The following TOP6BL variants were observed in gnomAD, a reference collection of about 807,000 sequenced individuals.
TOP6BL encodes type 2 DNA topoisomerase 6 subunit B-like.
chr11:66,764,291 G>A, the TOP6BL span, among the ~76,000 whole-genome samples: 2 of 152,016 alleles, frequency 1.3e-5, no homozygotes, highest in East Asian at 1.9e-4. Context: ...TCTTTGGGTT[G>A]ATGCAGAGAA....
chr11:66,838,977 T>C, the TOP6BL span, among the ~76,000 whole-genome samples: 1 of 152,212 alleles, frequency 6.6e-6, no homozygotes, highest in Admixed American at 6.5e-5. Flanking sequence ...GTGATCCGCC[T>C]GCCTTGGCCT....
the TOP6BL span, among the ~76,000 whole-genome samples, chr11:66,787,272 T>C: frequency 6.6e-6 from 1 of 152,088 alleles, no homozygotes; most frequent in East Asian, 1.9e-4. Context: ...GCACACTTTT[T>C]TGAGGTGGTT....
the TOP6BL span, among the ~76,000 whole-genome samples, chr11:66,779,001 C>T: frequency 1.3e-5 from 2 of 152,144 alleles, no homozygotes; most frequent in African/African-American, 2.4e-5. Context: ...ACACCTTATA[C>T]AAAAATTAAT....
At chr11:66,756,991 G>A in the TOP6BL span, among the ~76,000 whole-genome samples, 3 of 149,308 alleles carry the variant, frequency 2.0e-5, no homozygotes, top group African/African-American at 7.4e-5. Context: ...GATTACAGGT[G>A]TGAACCACCA....
the TOP6BL span, chr11:66,815,947 C>T: frequency 2.6e-6 from 3 of 1,141,072 alleles, no homozygotes; most frequent in African/African-American, 3.1e-5. Flanking sequence ...AGATTTAGAT[C>T]TCCTATTCTC....
the TOP6BL span, among the ~76,000 whole-genome samples, chr11:66,787,435 G>A: frequency 6.6e-6 from 1 of 151,562 alleles, no homozygotes; most frequent in African/African-American, 2.4e-5. Flanking sequence ...GCCAGGCGCG[G>A]TGGCTCATGT....
the TOP6BL span, among the ~76,000 whole-genome samples, chr11:66,751,123 C>A: frequency 4.6e-5 from 7 of 151,986 alleles, no homozygotes; most frequent in African/African-American, 1.7e-4. Context: ...TCAGGTGATC[C>A]TCCCACCTCA....
the TOP6BL span, chr11:66,822,671 T>A: frequency 2.9e-5 from 45 of 1,538,990 alleles, no homozygotes; most frequent in African/African-American, 5.8e-4. Context: ...TCCAGACCCT[T>A]CAAGTTAGTA....
the TOP6BL span, among the ~76,000 whole-genome samples, chr11:66,780,153 T>TA: frequency 5.0e-4 from 74 of 146,950 alleles, no homozygotes; most frequent in Middle Eastern, 3.5e-3. Context: ...AAAACTTTCA[T>TA]AAAAAAAAAA....
At chr11:66,754,768 C>T in the TOP6BL span, among the ~76,000 whole-genome samples, 2 of 152,162 alleles carry the variant, frequency 1.3e-5, no homozygotes, top group Admixed American at 1.3e-4. Flanking sequence ...TGTTCACTAA[C>T]TCCACTTGTT....
chr11:66,750,118 A>G, the TOP6BL span, among the ~76,000 whole-genome samples: 1 of 152,146 alleles, frequency 6.6e-6, no homozygotes, highest in East Asian at 1.9e-4. Context: ...TTAGAACTAG[A>G]ACTATACTAT....
chr11:66,777,936 T>C, the TOP6BL span, among the ~76,000 whole-genome samples: 2 of 152,194 alleles, frequency 1.3e-5, no homozygotes, highest in East Asian at 3.8e-4. Context: ...CACCGTACTT[T>C]GCCAGCATTG....
At chr11:66,843,509 G>C in the TOP6BL span, 1 of 1,494,078 alleles carries the variant, frequency 6.7e-7, no homozygotes, top group Non-Finnish European at 8.8e-7. Flanking sequence ...CGCGGCCGGA[G>C]CGGCCGCCCG....
At chr11:66,768,779 G>A in the TOP6BL span, among the ~76,000 whole-genome samples, 1 of 152,012 alleles carries the variant, frequency 6.6e-6, no homozygotes, top group African/African-American at 2.4e-5. Context: ...GACAGAAGGG[G>A]ATGGAAAGGA....
At chr11:66,842,774 A>G in the TOP6BL span, 1 of 1,401,028 alleles carries the variant, frequency 7.1e-7, no homozygotes, top group East Asian at 2.6e-5. Flanking sequence ...CCGTTCTCCC[A>G]GGCTTCCCCT....
the TOP6BL span, chr11:66,758,207 G>A: frequency 1.2e-6 from 1 of 847,378 alleles, no homozygotes; most frequent in Non-Finnish European, 1.4e-6. Flanking sequence ...CTTATTCACT[G>A]TCTACCCTGA....
the TOP6BL span, among the ~76,000 whole-genome samples, chr11:66,810,510 T>A: frequency 1.3e-5 from 2 of 152,210 alleles, no homozygotes; most frequent in African/African-American, 4.8e-5. Context: ...AAGATGGTTT[T>A]GAGGTCTTCA....
the TOP6BL span, among the ~76,000 whole-genome samples, chr11:66,819,943 G>A: frequency 1.3e-5 from 2 of 151,228 alleles, no homozygotes; most frequent in South Asian, 2.1e-4. Context: ...AGGCATGGTG[G>A]TGGTGTACAC....
the TOP6BL span, among the ~76,000 whole-genome samples, chr11:66,816,532 G>C: frequency 6.6e-6 from 1 of 152,140 alleles, no homozygotes; most frequent in Non-Finnish European, 1.5e-5. Context: ...CTGATTTCCA[G>C]ATGGACTGAG....
Sources: allele counts gnomAD v4.1 joint callset (sites outside exome capture counted in the v4.1 genomes callset), GRCh38; gene constraint gnomAD v4.1.1; transcripts MANE v1.5; gene names NCBI Gene and HGNC (gene_info 2026-07-23, HGNC 2026-07-21).